CLGN: variants seen among roughly 807,000 people sequenced by gnomAD.
The protein encoded by CLGN is testis tissue sperm-binding protein Li 79P.
CLGN carries 62 observed loss-of-function variants against 79.1 expected under a neutral mutation model. The ratio of observed to expected loss-of-function variants is 0.78; its 90% CI spans 0.64 to 0.97. CLGN has a LOEUF of 0.97. Among genes scored for constraint, CLGN ranks in the 50% least tolerant of loss-of-function variants. The probability of loss-of-function intolerance (pLI) is 0.00; values close to 1 mark genes in which losing one functional copy is unlikely to be tolerated. For synonymous variants in CLGN, 225 were observed against 224.7 expected, an observed-to-expected ratio of 1.00 and a Z score of -0.01; for missense variants, 647 against 715.5, an observed-to-expected ratio of 0.90 and a Z score of 1.09.
chr4:140,392,441 C>A (rs2126613788), intron 12 of CLGN, 63 bp from the exon 13 acceptor site: 1 of 1,514,606 alleles, frequency 6.6e-7, no homozygotes, highest in Non-Finnish European at 8.9e-7. Context: ...AGTTTTTTTG[C>A]AATAATTGAT....
intron 3 of CLGN, among the ~76,000 whole-genome samples, chr4:140,410,216 TTTAATA>T (rs1729184660): frequency 6.6e-6 from 1 of 152,024 alleles, no homozygotes; most frequent in Admixed American, 6.6e-5. Context: ...ATAATAATCA[TTTAATA>T]TTAACTTTTG....
chr4:140,419,702 C>G (rs1018394425), intron 1 of CLGN, among the ~76,000 whole-genome samples: 2 of 152,036 alleles, frequency 1.3e-5, no homozygotes, highest in Non-Finnish European at 2.9e-5. Context: ...TATAATTCCA[C>G]AATTACATAA....
At chr4:140,396,913 A>G (rs1243673998) in intron 8 of CLGN, among the ~76,000 whole-genome samples, 6 of 133,706 alleles carry the variant, frequency 4.5e-5, no homozygotes, top group African/African-American at 1.5e-4. Context: ...ATATGTATAT[A>G]TATATATATA....
At chr4:140,410,438 A>G in intron 3 of CLGN, 115 bp downstream of exon 3, 2 of 689,458 alleles carry the variant, frequency 2.9e-6, no homozygotes, top group East Asian at 2.7e-5. Flanking sequence ...TGTCAATTAA[A>G]CTACTTTAAA....
intron 1 of CLGN, among the ~76,000 whole-genome samples, chr4:140,424,565 T>C (rs1428954779): frequency 1.3e-5 from 2 of 152,174 alleles, no homozygotes; most frequent in African/African-American, 2.4e-5. Context: ...ATCTGTATGG[T>C]TGTTTAAGTT....
At chr4:140,402,197 C>T in intron 5 of CLGN, 131 bp from the exon 6 acceptor site, 1 of 500,914 alleles carries the variant, frequency 2.0e-6, no homozygotes, top group Admixed American at 4.0e-5. Flanking sequence ...TCATATAAAG[C>T]ATATCTACAA....
chr4:140,389,363 A>T (rs933843744), intron 14 of CLGN, 59 bp from the exon 15 acceptor site: 1 of 1,165,670 alleles, frequency 8.6e-7, no homozygotes, highest in Non-Finnish European at 1.3e-6. Context: ...AGTAGATAGT[A>T]GTAAACAATA....
chr4:140,419,553 T>C (rs952981906), intron 1 of CLGN, among the ~76,000 whole-genome samples: 1 of 152,120 alleles, frequency 6.6e-6, no homozygotes, highest in Non-Finnish European at 1.5e-5. Context: ...TGAGAAAAGA[T>C]ACAAAAATTT....
chr4:140,400,331 T>A, intron 7 of CLGN, 26 bp downstream of exon 7: 6 of 1,505,384 alleles, frequency 4.0e-6, no homozygotes, highest in Non-Finnish European at 5.5e-6. Flanking sequence ...TATTTTTGAA[T>A]ACATGAATGA....
In CLGN at chr4:140,392,723, A is replaced by G; in HGVS notation, c.1366-12T>C. 2 of 1,555,896 alleles carry G rather than the reference A, an allele frequency of 1.3e-6. No individual in the cohort carries two copies. The highest frequency in any genetic ancestry group is 1.7e-6 in the Non-Finnish European group (2 of 1,157,604). On this transcript the variant is annotated splice_polypyrimidine_tract_variant and intron_variant, in intron 11 of 14. Transcript: ENST00000325617. ...TTTAATACACCAGGCTATAGACGAGATAAGCATAAAAATGCAATTCAAATT... is the reference window on the plus strand; with the variant it reads ...TTTAATACACCAGGCTATAGACGAGGTAAGCATAAAAATGCAATTCAAATT...
chr4:140,389,365 T>A lies in CLGN; in HGVS notation c.1753-61A>T. 3 of 1,145,552 alleles carry A rather than the reference T, an allele frequency of 2.6e-6. No homozygotes were observed. The South Asian group carries it at 3.8e-5, about 15-fold the overall frequency. The allele number at this position is 1,145,552 out of a possible 1,614,324, so 71.0% of individuals were successfully genotyped here. A position where few individuals can be genotyped will look rare whatever the true frequency, so the allele number is the denominator to read the frequency against. On this transcript the variant is annotated intron_variant, in intron 14 of 14. Transcript: ENST00000325617. ...ATAACACATAACTAGTAGATAGTAG[T>A]AAACAATATATTTATTATTCTCTAA...
At chr4:140,391,870 C>A (rs1423766892) in intron 13 of CLGN, among the ~76,000 whole-genome samples, 1 of 151,820 alleles carries the variant, frequency 6.6e-6, no homozygotes, top group African/African-American at 2.4e-5. Flanking sequence ...TATTCCTTTT[C>A]TACAGAGGCC....
chr4:140,396,269 T>A, intron 8 of CLGN, 64 bp from the exon 9 acceptor site: 2 of 1,235,066 alleles, frequency 1.6e-6, no homozygotes, highest in Non-Finnish European at 2.4e-6. Flanking sequence ...GTTACAACAC[T>A]AAGAAGGTAC....
intron 1 of CLGN, among the ~76,000 whole-genome samples, chr4:140,415,201 C>T (rs868811199): frequency 2.2e-4 from 33 of 152,254 alleles, no homozygotes; most frequent in Middle Eastern, 6.8e-3. Context: ...CTGAAGGAAG[C>T]GCTAAACATG....
intron 1 of CLGN, among the ~76,000 whole-genome samples, chr4:140,420,143 A>G (rs1729435994): frequency 6.6e-6 from 1 of 152,126 alleles, no homozygotes; most frequent in African/African-American, 2.4e-5. Context: ...AAAACATTCT[A>G]AGTGCTTTGT....
intron 7 of CLGN, among the ~76,000 whole-genome samples, chr4:140,399,488 C>T (rs1212209415): frequency 6.6e-6 from 1 of 152,106 alleles, no homozygotes; most frequent in Admixed American, 6.5e-5. Flanking sequence ...CCCCAAATGC[C>T]TAGTTTTTTC....
At position 140,395,145 on chromosome 4, in the gene CLGN, T is replaced by G. The variant is rs573492890; in HGVS notation, c.1149+674A>C. 5.7e-5 allele frequency among the ~76,000 whole-genome samples: 5 copies of G among 86,984 alleles called. No homozygotes were observed. In the East Asian group the frequency reaches 1.5e-3, roughly 26 times the overall value. The allele number at this position is 86,984 out of a possible 152,430, so 57.1% of individuals were successfully genotyped here. On this transcript the variant is annotated intron_variant, in intron 10 of 14. Coordinates refer to ENST00000325617, the MANE Select transcript of CLGN (RefSeq NM_004362.3). The stretch of plus-strand genomic sequence containing the variant: ...TGAGCCAAGATCACGCCAGGCCAGG[T>G]TTTTTGTTTTTTTGTTTTTTTGTTT...
intron 7 of CLGN, 87 bp from the exon 8 acceptor site, chr4:140,399,127 TC>T: frequency 9.2e-7 from 1 of 1,088,814 alleles, no homozygotes; most frequent in Non-Finnish European, 1.3e-6. Flanking sequence ...TACCCTTAAC[TC>T]CATGGGTAAA....
chr4:140,399,085 C>T (rs373854031), intron 7 of CLGN, 45 bp from the exon 8 acceptor site: 52 of 1,475,046 alleles, frequency 3.5e-5, no homozygotes, highest in East Asian at 9.3e-5. Flanking sequence ...TTTTGATATA[C>T]GCTTTAAAGA....
Sources: gnomAD v4.1 joint callset for allele counts (sites outside exome capture counted in the v4.1 genomes callset) on GRCh38, gnomAD v4.1.1 for gene constraint, MANE v1.5 for transcripts, NCBI Gene and HGNC (gene_info 2026-07-23, HGNC 2026-07-21) for gene names.